The following SLC24A2 variants were observed in gnomAD, a reference collection of about 807,000 sequenced individuals.
The protein encoded by SLC24A2 is solute carrier family 24 member 2.
In SLC24A2, 36 loss-of-function variants were observed where a neutral mutation model predicts 62.0. That is an observed-to-expected ratio of 0.58 (90% CI 0.44 to 0.77). The LOEUF (loss-of-function observed/expected upper bound fraction) is 0.77. Among genes scored for constraint, SLC24A2 ranks in the 30% least tolerant of loss-of-function variants. SLC24A2 has a pLI of 0.00. For missense variants in SLC24A2, 846 were observed against 817.9 expected, an observed-to-expected ratio of 1.03 and a Z score of -0.42; for synonymous variants, 358 against 294.0, an observed-to-expected ratio of 1.22 and a Z score of -2.23.
the SLC24A2 span, among the ~76,000 whole-genome samples, chr9:20,090,275 A>T: frequency 6.6e-6 from 1 of 152,124 alleles, no homozygotes. Flanking sequence ...GGAGACAAGA[A>T]AAAACCCTTG....
upstream of SLC24A2, among the ~76,000 whole-genome samples, chr9:19,793,151 A>G (rs748111204): frequency 2.0e-5 from 3 of 152,234 alleles, no homozygotes; most frequent in Non-Finnish European, 4.4e-5. Context: ...AGGTGAGTCA[A>G]TCAGGAGGAT....
chr9:19,795,267 C>T, the SLC24A2 span, among the ~76,000 whole-genome samples: 1 of 150,030 alleles, frequency 6.7e-6, no homozygotes, highest in East Asian at 2.0e-4. Context: ...GCAGGCACCC[C>T]CCACCACCCC....
At chr9:19,645,124 C>A (rs1206151951) in intron 2 of SLC24A2, among the ~76,000 whole-genome samples, 1 of 150,052 alleles carries the variant, frequency 6.7e-6, no homozygotes, top group Non-Finnish European at 1.5e-5. Context: ...AAGCTCCACA[C>A]TGCAAAGGTA....
intron 8 of SLC24A2, among the ~76,000 whole-genome samples, chr9:19,531,861 C>G (rs974190673): frequency 5.3e-5 from 8 of 152,212 alleles, no homozygotes; most frequent in African/African-American, 1.4e-4. Context: ...GAAATAACAT[C>G]TAGTTGTTTT....
At chr9:19,888,326 A>G in the SLC24A2 span, among the ~76,000 whole-genome samples, 1 of 151,880 alleles carries the variant, frequency 6.6e-6, no homozygotes, top group African/African-American at 2.4e-5. Flanking sequence ...CTTTCATTCC[A>G]TTTTCCAAAA....
the SLC24A2 span, among the ~76,000 whole-genome samples, chr9:19,866,481 G>T: frequency 6.6e-6 from 1 of 152,122 alleles, no homozygotes; most frequent in Non-Finnish European, 1.5e-5. Context: ...TGGATAAAGA[G>T]AATGTGGTAT....
the SLC24A2 span, among the ~76,000 whole-genome samples, chr9:20,114,591 T>A: frequency 6.6e-6 from 1 of 152,166 alleles, no homozygotes; most frequent in South Asian, 2.1e-4. Context: ...GCCTATCTTG[T>A]CATGGAGGAG....
chr9:20,016,607 C>A, the SLC24A2 span, among the ~76,000 whole-genome samples: 89 of 152,288 alleles, frequency 5.8e-4, no homozygotes, highest in African/African-American at 2.0e-3. Context: ...ATTTATTTTA[C>A]TCTTCAACTA....
At chr9:19,801,240 C>G in the SLC24A2 span, among the ~76,000 whole-genome samples, 1 of 152,176 alleles carries the variant, frequency 6.6e-6, no homozygotes, top group Non-Finnish European at 1.5e-5. Flanking sequence ...CGGAAGAGAA[C>G]TGTGGAACCC....
chr9:19,539,579 A>T (rs929627804), intron 8 of SLC24A2, among the ~76,000 whole-genome samples: 1 of 93,158 alleles, frequency 1.1e-5, no homozygotes, highest in African/African-American at 4.4e-5. Context: ...ATAGTTTGTT[A>T]TAATTTCTGT....
the SLC24A2 span, among the ~76,000 whole-genome samples, chr9:20,194,925 T>C: frequency 6.6e-6 from 1 of 152,100 alleles, no homozygotes; most frequent in Admixed American, 6.6e-5. Context: ...ATAAATAATA[T>C]TCTAAGATTG....
At chr9:19,893,576 A>G in the SLC24A2 span, among the ~76,000 whole-genome samples, 2 of 152,194 alleles carry the variant, frequency 1.3e-5, no homozygotes, top group South Asian at 2.1e-4. Context: ...GGTGAATTAA[A>G]TGTATTTATT....
chr9:19,976,210 A>G, the SLC24A2 span, among the ~76,000 whole-genome samples: 5 of 152,304 alleles, frequency 3.3e-5, no homozygotes, highest in African/African-American at 9.6e-5. Flanking sequence ...ACAGTAAAAC[A>G]ATTATTGTTA....
At chr9:20,185,536 G>T in the SLC24A2 span, among the ~76,000 whole-genome samples, 1 of 151,626 alleles carries the variant, frequency 6.6e-6, no homozygotes, top group African/African-American at 2.4e-5. Context: ...GTGGTTGTGG[G>T]CGCCTGTAGT....
At chr9:20,093,855 T>A in the SLC24A2 span, among the ~76,000 whole-genome samples, 3 of 152,172 alleles carry the variant, frequency 2.0e-5, no homozygotes, top group African/African-American at 7.2e-5. Context: ...ATGCTTGAGG[T>A]GATGGATACC....
At chr9:19,849,301 G>C in the SLC24A2 span, among the ~76,000 whole-genome samples, 13 of 152,170 alleles carry the variant, frequency 8.5e-5, no homozygotes, top group African/African-American at 2.9e-4. Context: ...ATCCTATGAA[G>C]ATACACGTCT....
chr9:20,184,459 G>T, the SLC24A2 span, among the ~76,000 whole-genome samples: 1 of 152,192 alleles, frequency 6.6e-6, no homozygotes, highest in African/African-American at 2.4e-5. Flanking sequence ...TGAGGCAGGA[G>T]AATCACTTGA....
At chr9:20,070,852 G>T in the SLC24A2 span, among the ~76,000 whole-genome samples, 1 of 152,236 alleles carries the variant, frequency 6.6e-6, no homozygotes, top group African/African-American at 2.4e-5. Context: ...ATTTGTCATG[G>T]CCAGTGATAT....
At chr9:19,669,202 AAG>A (rs1819343915) in intron 2 of SLC24A2, among the ~76,000 whole-genome samples, 1 of 152,170 alleles carries the variant, frequency 6.6e-6, no homozygotes, top group South Asian at 2.1e-4. Context: ...GAAAAAGAGA[AAG>A]AGAGGCTCAC....
Sources: gnomAD v4.1 joint callset for allele counts (sites outside exome capture counted in the v4.1 genomes callset) on GRCh38, gnomAD v4.1.1 for gene constraint, MANE v1.5 for transcripts, NCBI Gene and HGNC (gene_info 2026-07-23, HGNC 2026-07-21) for gene names.